The following AGAP1 variants were observed in gnomAD, a reference collection of about 807,000 sequenced individuals.
AGAP1 encodes ArfGAP with GTPase domain, ankyrin repeat and PH domain 1, also known as arf-GAP with GTPase, ANK repeat and PH domain-containing protein 1.
In AGAP1, 29 loss-of-function variants were observed where a neutral mutation model predicts 105.3. The observed-to-expected ratio is 0.28, with a 90% CI of 0.21 to 0.38. The LOEUF (loss-of-function observed/expected upper bound fraction) is 0.38, where lower values mean the gene tolerates loss of function less well. Ranked by LOEUF, AGAP1 falls within the 10% of genes least tolerant of loss-of-function variation. The probability of loss-of-function intolerance (pLI) is 1.00; values close to 1 mark genes in which losing one functional copy is unlikely to be tolerated. For missense variants in AGAP1, 998 were observed against 1,165.1 expected, an observed-to-expected ratio of 0.86 and a Z score of 2.09; for synonymous variants, 509 against 485.9, an observed-to-expected ratio of 1.05 and a Z score of -0.63.
intron 11 of AGAP1, among the ~76,000 whole-genome samples, chr2:235,917,602 G>A (rs1388881499): frequency 2.6e-5 from 4 of 152,068 alleles, no homozygotes; most frequent in African/African-American, 7.2e-5. Context: ...CTTGATTAAC[G>A]TGGTGCACTT....
intron 1 of AGAP1, among the ~76,000 whole-genome samples, chr2:235,703,003 C>T (rs1056957979): frequency 2.1e-5 from 3 of 139,996 alleles, no homozygotes; most frequent in Non-Finnish European, 3.0e-5. Flanking sequence ...TCTCAGCTCA[C>T]TGCCACCTCC....
Position 235,994,712 on chromosome 2 carries a change from A to C in AGAP1, c.1645+26089A>C, listed in dbSNP as rs1216402614. ...GTTGTTTAGATTTCCACGTTACACA[A>C]ACACACAAGCTTCTCAGGGGAAGAG... is the stretch of plus-strand genomic sequence containing the variant. On this transcript the variant is annotated intron_variant, in intron 13 of 17. Transcript: ENST00000304032. This position sits in a 1 kb window ranked among gnomAD's most constrained non-coding sequence, Gnocchi z 4.4. Among the ~76,000 whole-genome samples the C allele has an allele frequency of 2.0e-5, 3 of 151,844 alleles. No homozygotes were observed. The highest frequency in any genetic ancestry group is 7.3e-5 in the African/African-American group (3 of 41,340).
intron 3 of AGAP1, among the ~76,000 whole-genome samples, chr2:235,738,627 G>A (rs1952392308): frequency 2.0e-5 from 3 of 150,116 alleles, no homozygotes. Context: ...GCGCAATCTC[G>A]GCTCCCTGCA....
At chr2:235,757,091 T>C (rs1953990346) in intron 6 of AGAP1, among the ~76,000 whole-genome samples, 1 of 152,220 alleles carries the variant, frequency 6.6e-6, no homozygotes. Flanking sequence ...GTCTTAAGCT[T>C]GTATTCATAT....
At chr2:235,674,540 G>T (rs1411842314) in intron 1 of AGAP1, among the ~76,000 whole-genome samples, 1 of 152,164 alleles carries the variant, frequency 6.6e-6, no homozygotes, top group African/African-American at 2.4e-5. Context: ...ATTGATTACA[G>T]TAATAAAGTG....
chr2:235,840,781 T>TG (rs1438222797), intron 9 of AGAP1, among the ~76,000 whole-genome samples: 2 of 151,498 alleles, frequency 1.3e-5, no homozygotes, highest in Non-Finnish European at 2.9e-5. Context: ...TTTTTTTTTT[T>TG]TATAAATGAG....
In AGAP1 at chr2:235,752,594, A is replaced by G. The variant is rs974365493; in HGVS notation, c.673+2106A>G. 6.6e-6 allele frequency among the ~76,000 whole-genome samples: 1 copy of G among 152,114 alleles called. No individual in the cohort carries two copies. ...AGGGTCTTTGCGGCCTGAGAAGCCC[A>G]GAATATTCACTCTCTGGCCCCGTGC... is the stretch of plus-strand genomic sequence containing the variant. On this transcript the variant is annotated intron_variant, in intron 6 of 17. Coordinates refer to ENST00000304032, the MANE Select transcript of AGAP1 (RefSeq NM_001037131.3). The surrounding 1 kb of genome is among the most constrained non-coding windows in gnomAD (Gnocchi z 4.3).
At chr2:235,926,651 A>T (rs986363439) in intron 11 of AGAP1, among the ~76,000 whole-genome samples, 1 of 152,224 alleles carries the variant, frequency 6.6e-6, no homozygotes, top group African/African-American at 2.4e-5. Flanking sequence ...AATATAGTGA[A>T]TGGGTATATT....
intron 1 of AGAP1, among the ~76,000 whole-genome samples, chr2:235,510,706 C>A (rs958169988): frequency 2.0e-5 from 3 of 152,074 alleles, no homozygotes; most frequent in Non-Finnish European, 4.4e-5. Context: ...AGGCTTCTGG[C>A]AGTGATGGGA....
intron 9 of AGAP1, among the ~76,000 whole-genome samples, chr2:235,857,672 T>A (rs942100981): frequency 2.0e-5 from 3 of 152,202 alleles, no homozygotes; most frequent in Non-Finnish European, 2.9e-5. Flanking sequence ...GAAGAGCACC[T>A]CCTCGGTTTG....
rs1243407366 is a variant in AGAP1 at position 235,686,650 on chromosome 2, TATATATATATATATA to T, written c.164-22528_164-22514del. Among the ~76,000 whole-genome samples, 20 of 45,918 alleles carry T rather than the reference TATATATATATATATA, an allele frequency of 4.4e-4. 2 individuals are homozygous for T. The highest frequency in any genetic ancestry group is 2.0e-3 in the African/African-American group (16 of 8,072). The allele number at this position is 45,918 out of a possible 152,430, so 30.1% of individuals were successfully genotyped here. A position where few individuals can be genotyped will look rare whatever the true frequency, so the allele number is the denominator to read the frequency against. On this transcript the variant is annotated intron_variant, in intron 1 of 17. Coordinates refer to ENST00000304032, the MANE Select transcript of AGAP1 (RefSeq NM_001037131.3). ...ATATATATATATATATATATAGATA[TATATATATATATATA>T]TTTTTTTTTTTTTTTAGACAGAGTC...
At position 235,633,010 on chromosome 2, in the gene AGAP1, G is replaced by T. The variant is rs1946877697; in HGVS notation, c.164-76169G>T. Among the ~76,000 whole-genome samples the T allele has an allele frequency of 6.6e-6, 1 of 151,922 alleles. No individual in the cohort carries two copies. Among genetic ancestry groups the T allele is most frequent in the Non-Finnish European group, 1.5e-5 (1 of 67,986 alleles). Reference sequence around the variant, plus strand: ...CTTCCTTCCAAACCAGAAGCCCGTGGTGCAGCCTCTGAACCCCCGACTCTT... The same window carrying T: ...CTTCCTTCCAAACCAGAAGCCCGTGTTGCAGCCTCTGAACCCCCGACTCTT... On this transcript the variant is annotated intron_variant, in intron 1 of 17. Transcript: ENST00000304032. The surrounding 1 kb of genome is among the most constrained non-coding windows in gnomAD (Gnocchi z 4.8).
chr2:235,607,000 G>A (rs1159501925), intron 1 of AGAP1, among the ~76,000 whole-genome samples: 1 of 143,788 alleles, frequency 7.0e-6, no homozygotes, highest in Non-Finnish European at 1.5e-5. Flanking sequence ...AATTGTTTAC[G>A]AACCTGTTTC....
chr2:235,667,388 C>A (rs1017313797), intron 1 of AGAP1, among the ~76,000 whole-genome samples: 1 of 152,032 alleles, frequency 6.6e-6, no homozygotes, highest in Admixed American at 6.5e-5. Context: ...GTGTGGAGTT[C>A]AGTAATATTC....
chr2:235,745,178 A>G (rs999378921), intron 5 of AGAP1, among the ~76,000 whole-genome samples: 1 of 152,230 alleles, frequency 6.6e-6, no homozygotes. Context: ...ATTTTCTGCT[A>G]TATTTTAATT....
At chr2:235,632,608 T>C (rs1288707112) in intron 1 of AGAP1, among the ~76,000 whole-genome samples, 1 of 152,234 alleles carries the variant, frequency 6.6e-6, no homozygotes, top group Non-Finnish European at 1.5e-5. Context: ...GGCTGGGGTC[T>C]TGGCAGCAAT....
In AGAP1 at chr2:235,953,494, T is replaced by C. The variant is rs1021525168; in HGVS notation, c.1484-14968T>C. Among the ~76,000 whole-genome samples the C allele has an allele frequency of 1.3e-5, 2 of 152,238 alleles. No individual in the cohort carries two copies. Among genetic ancestry groups the C allele is most frequent in the African/African-American group, 2.4e-5 (1 of 41,466 alleles). On this transcript the variant is annotated intron_variant, in intron 12 of 17. Transcript: ENST00000304032. The surrounding 1 kb of genome is among the most constrained non-coding windows in gnomAD (Gnocchi z 5.2). The stretch of plus-strand genomic sequence containing the variant: ...AGCCTTAAATAGGCAATTAGAAGTA[T>C]ACTGCATTTTTTTCCCTCCAGCATT...
At position 235,535,293 on chromosome 2, in the gene AGAP1, G is replaced by A. The variant is rs141892591; in HGVS notation, c.163+40444G>A. 1.2e-4 allele frequency among the ~76,000 whole-genome samples: 18 copies of A among 152,228 alleles called. No homozygotes were observed. The highest frequency in any genetic ancestry group is 3.4e-3 in the Middle Eastern group (1 of 294). ...TCTGCACGTCTCTTTCAATGCGGGCGTGCGAACTTCCAGGTAGAGCCGAGT... is the reference window on the plus strand; with the variant it reads ...TCTGCACGTCTCTTTCAATGCGGGCATGCGAACTTCCAGGTAGAGCCGAGT... On this transcript the variant is annotated intron_variant, in intron 1 of 17. Transcript: ENST00000304032. This position sits in a 1 kb window ranked among gnomAD's most constrained non-coding sequence, Gnocchi z 5.1.
rs1330976811 is a variant in AGAP1 at position 235,879,356 on chromosome 2, C to T, written c.1051-3989C>T. On this transcript the variant is annotated intron_variant, in intron 9 of 17. Coordinates refer to ENST00000304032, the MANE Select transcript of AGAP1 (RefSeq NM_001037131.3). The surrounding 1 kb of genome is among the most constrained non-coding windows in gnomAD (Gnocchi z 5.0). ...GCCAAGTGGCTCTTGGTCGCCACAGCAATTCTTGGGGGGGTCAGATAATAA... is the reference window on the plus strand; with the variant it reads ...GCCAAGTGGCTCTTGGTCGCCACAGTAATTCTTGGGGGGGTCAGATAATAA... Among the ~76,000 whole-genome samples, 3 of 152,150 alleles carry T rather than the reference C, an allele frequency of 2.0e-5. No homozygotes were observed. Among genetic ancestry groups the T allele is most frequent in the Non-Finnish European group, 4.4e-5 (3 of 68,036 alleles).
Sources: gnomAD v4.1 joint callset for allele counts (sites outside exome capture counted in the v4.1 genomes callset) on GRCh38, gnomAD v4.1.1 for gene constraint, Gnocchi (gnomAD v3.1) non-coding constraint, MANE v1.5 for transcripts, NCBI Gene and HGNC (gene_info 2026-07-23, HGNC 2026-07-21) for gene names.